LHFPL3: variants seen among roughly 807,000 people sequenced by gnomAD.
LHFPL3 encodes the protein LHFPL tetraspan subfamily member 3.
A neutral mutation model predicts 19.3 loss-of-function variants in LHFPL3; 5 were observed. That is an observed-to-expected ratio of 0.26 (90% CI 0.14 to 0.54). The LOEUF (loss-of-function observed/expected upper bound fraction) is 0.54. LHFPL3 is among the 20% of genes least tolerant of loss of function. The pLI, the probability that LHFPL3 is intolerant of heterozygous loss-of-function variation, is 0.94. For missense variants in LHFPL3, 249 were observed against 307.4 expected (o/e 0.81, Z 1.42); for synonymous variants, 133 against 126.2 (o/e 1.05, Z -0.36).
intron 1 of LHFPL3, among the ~76,000 whole-genome samples, chr7:104,654,038 T>C (rs11768912): frequency 0.087 from 13,313 of 152,278 alleles, 776 homozygotes; most frequent in Non-Finnish European, 0.12. Flanking sequence ...ACCTAAGGTC[T>C]ACCCATTCAC....
intron 1 of LHFPL3, among the ~76,000 whole-genome samples, chr7:104,736,060 A>C (rs187245923): frequency 3.3e-5 from 5 of 152,318 alleles, no homozygotes; most frequent in Admixed American, 2.0e-4. Context: ...GTTGTTTTCC[A>C]TATGGCTATA....
intron 1 of LHFPL3, among the ~76,000 whole-genome samples, chr7:104,506,640 T>C (rs1793704234): frequency 6.6e-6 from 1 of 152,234 alleles, no homozygotes; most frequent in Admixed American, 6.5e-5. Flanking sequence ...AAACTCCCTA[T>C]TTAGTAATGA....
At position 104,907,691 on chromosome 7, in the gene LHFPL3, A is replaced by G. The variant is rs1340365658; in HGVS notation, c.*1476A>G. 6.6e-6 allele frequency among the ~76,000 whole-genome samples: 1 copy of G among 152,252 alleles called. No homozygotes were observed. Among genetic ancestry groups the G allele is most frequent in the African/African-American group, 2.4e-5 (1 of 41,464 alleles). ...TGCTTTTATTCATGTATTCAAAATC[A>G]GAACAAATCAGTGTATATCACTAGA... On this transcript the variant is annotated 3_prime_UTR_variant, in exon 3 of 3. Transcript: ENST00000424859.
chr7:104,697,090 A>C (rs1793011605), intron 1 of LHFPL3, among the ~76,000 whole-genome samples: 1 of 152,204 alleles, frequency 6.6e-6, no homozygotes, highest in Admixed American at 6.5e-5. Flanking sequence ...CCTATAAGGC[A>C]TTCTGGGCAC....
intron 2 of LHFPL3, among the ~76,000 whole-genome samples, chr7:104,757,415 C>A (rs1384598619): frequency 6.6e-6 from 1 of 152,064 alleles, no homozygotes; most frequent in East Asian, 1.9e-4. Context: ...ACAGAATAAA[C>A]AGACAACCTA....
At chr7:104,650,382 A>G (rs918944626) in intron 1 of LHFPL3, among the ~76,000 whole-genome samples, 4 of 152,210 alleles carry the variant, frequency 2.6e-5, no homozygotes, top group Non-Finnish European at 5.9e-5. Flanking sequence ...ACTCCCAGAC[A>G]AAAAGGGTGA....
intron 2 of LHFPL3, among the ~76,000 whole-genome samples, chr7:104,888,759 G>A (rs1792194211): frequency 6.6e-6 from 1 of 152,220 alleles, no homozygotes; most frequent in South Asian, 2.1e-4. Flanking sequence ...ACAATCATGT[G>A]TAGGCTGTAG....
chr7:104,769,723 T>A (rs1794520189), intron 2 of LHFPL3, among the ~76,000 whole-genome samples: 1 of 152,164 alleles, frequency 6.6e-6, no homozygotes, highest in South Asian at 2.1e-4. Flanking sequence ...GGTTTTCTGT[T>A]CTTGTGATAG....
At chr7:104,760,588 G>A (rs370645650) in intron 2 of LHFPL3, among the ~76,000 whole-genome samples, 1 of 151,356 alleles carries the variant, frequency 6.6e-6, no homozygotes. Flanking sequence ...TAAAGAAGTG[G>A]CTACATCATC....
chr7:104,852,354 C>T lies in LHFPL3; in HGVS notation c.683-53833C>T, dbSNP rs997309080. 1.1e-4 allele frequency among the ~76,000 whole-genome samples: 16 copies of T among 152,156 alleles called. 1 individual carries two copies. Among genetic ancestry groups the T allele is most frequent in the African/African-American group, 3.6e-4 (15 of 41,432 alleles). ...GTCCAGAAATGTGCAGCCTGCTGCC[C>T]CCAGCAGTGGGGATCAGGACACTAG... On this transcript the variant is annotated intron_variant, in intron 2 of 2. Transcript: ENST00000424859.
chr7:104,815,054 T>A (rs1790538813), intron 2 of LHFPL3, among the ~76,000 whole-genome samples: 1 of 152,032 alleles, frequency 6.6e-6, no homozygotes, highest in African/African-American at 2.4e-5. Flanking sequence ...ATGGTTTGGG[T>A]GGCTGCAGCT....
intron 2 of LHFPL3, among the ~76,000 whole-genome samples, chr7:104,890,811 G>A (rs921109342): frequency 1.3e-5 from 2 of 152,102 alleles, no homozygotes; most frequent in African/African-American, 2.4e-5. Context: ...CTCCCGGGAG[G>A]GGGCTATGAA....
chr7:104,696,014 G>A (rs544608001), intron 1 of LHFPL3, among the ~76,000 whole-genome samples: 2 of 152,066 alleles, frequency 1.3e-5, no homozygotes, highest in Non-Finnish European at 1.5e-5. Flanking sequence ...GCAGTGGCAC[G>A]ATCTTGGCTC....
intron 2 of LHFPL3, chr7:104,785,826 C>G (rs1315137802): frequency 1.3e-5 from 2 of 152,198 alleles, no homozygotes; most frequent in Non-Finnish European, 2.9e-5. Flanking sequence ...CTGCTCAAAC[C>G]TTGACCACAC....
At chr7:104,359,113 A>G (rs557953995) in intron 1 of LHFPL3, among the ~76,000 whole-genome samples, 4 of 152,338 alleles carry the variant, frequency 2.6e-5, no homozygotes, top group African/African-American at 9.6e-5. Flanking sequence ...GGCCAGCCTG[A>G]GAATACCCTT....
intron 2 of LHFPL3, among the ~76,000 whole-genome samples, chr7:104,746,178 G>C (rs758256593): frequency 6.6e-6 from 1 of 152,198 alleles, no homozygotes; most frequent in East Asian, 1.9e-4. Context: ...CAGGTATGGT[G>C]GCGGATGCCT....
chr7:104,345,170 A>T (rs891217033), intron 1 of LHFPL3, among the ~76,000 whole-genome samples: 3 of 152,124 alleles, frequency 2.0e-5, no homozygotes, highest in African/African-American at 7.2e-5. Context: ...TAATTATTTT[A>T]TCTAAATTTT....
At chr7:104,759,666 A>G (rs945538596) in intron 2 of LHFPL3, 2 of 151,924 alleles carry the variant, frequency 1.3e-5, no homozygotes, top group African/African-American at 4.8e-5. Flanking sequence ...GTTTATGAAA[A>G]CCCTCTTAAT....
At chr7:104,405,870 T>A (rs565193013) in intron 1 of LHFPL3, among the ~76,000 whole-genome samples, 7 of 152,326 alleles carry the variant, frequency 4.6e-5, no homozygotes, top group African/African-American at 1.7e-4. Context: ...TATAATTCCC[T>A]TTAATCCTCC....
Sources: gnomAD v4.1 joint callset for allele counts (sites outside exome capture counted in the v4.1 genomes callset) on GRCh38, gnomAD v4.1.1 for gene constraint, MANE v1.5 for transcripts, NCBI Gene and HGNC (gene_info 2026-07-23, HGNC 2026-07-21) for gene names.